ABTB2: variants seen among roughly 807,000 people sequenced by gnomAD.
ABTB2 encodes the protein ankyrin repeat and BTB/POZ domain-containing protein 2.
In ABTB2, 56 loss-of-function variants were observed where a neutral mutation model predicts 104.1. That is an observed-to-expected ratio of 0.54 (90% CI 0.43 to 0.67). The LOEUF (loss-of-function observed/expected upper bound fraction) is 0.67. Ranked by LOEUF, ABTB2 falls within the 30% of genes least tolerant of loss-of-function variation. The pLI is 0.00. For synonymous variants in ABTB2, 606 were observed against 608.2 expected (o/e 1.00, Z 0.05); for missense variants, 1,279 against 1,407.7 (o/e 0.91, Z 1.46).
intron 1 of ABTB2, among the ~76,000 whole-genome samples, chr11:34,258,445 A>T (rs1433335103): frequency 6.6e-6 from 1 of 152,168 alleles, no homozygotes; most frequent in Non-Finnish European, 1.5e-5. Flanking sequence ...AGTAGACTGA[A>T]GACAATCCAG....
At chr11:34,283,596 C>G (rs897635835) in intron 1 of ABTB2, among the ~76,000 whole-genome samples, 4 of 152,212 alleles carry the variant, frequency 2.6e-5, no homozygotes, top group Non-Finnish European at 4.4e-5. Flanking sequence ...AATACCATCT[C>G]ATAAATCTAA....
Position 34,268,343 on chromosome 11 carries a change from AAGC to A in ABTB2, c.884-63656_884-63654del, listed in dbSNP as rs1163123347. 3.9e-5 allele frequency among the ~76,000 whole-genome samples: 6 copies of A among 152,312 alleles called. No individual in the cohort carries two copies. The South Asian group carries it at 1.0e-3, about 26-fold the overall frequency. On this transcript the variant is annotated intron_variant, in intron 1 of 16. Transcript: ENST00000435224. ...CAGAGCTCCTGGAATGAGGAACACG[AAGC>A]AGAAGATGCCATCAGTCTGAGAACC...
chr11:34,307,699 CTGTTT>C (rs1854794479), intron 1 of ABTB2, among the ~76,000 whole-genome samples: 1 of 133,430 alleles, frequency 7.5e-6, no homozygotes, highest in South Asian at 2.5e-4. Context: ...AGGTGACTCT[CTGTTT>C]TTTTTTTTTT....
At position 34,154,212 on chromosome 11, in the gene ABTB2, C is replaced by G; in HGVS notation, c.2880+53G>C. The G allele has an allele frequency of 7.0e-7, 1 of 1,425,118 alleles. No homozygotes were observed. The highest frequency in any genetic ancestry group is 1.4e-5 in the African/African-American group (1 of 71,200). The allele number at this position is 1,425,118 out of a possible 1,614,324, so 88.3% of individuals were successfully genotyped here. A position where few individuals can be genotyped will look rare whatever the true frequency, so the allele number is the denominator to read the frequency against. ...AGTGCAGCCACACGGCCGAGGCCCCCGTGGAGCAGAGCATGTGGTGGGAGG... is the reference window on the plus strand; with the variant it reads ...AGTGCAGCCACACGGCCGAGGCCCCGGTGGAGCAGAGCATGTGGTGGGAGG... On this transcript the variant is annotated intron_variant, in intron 16 of 16. Transcript: ENST00000435224. This position sits in a 1 kb window ranked among gnomAD's most constrained non-coding sequence, Gnocchi z 4.9.
chr11:34,195,627 T>C (rs1303051913), intron 3 of ABTB2, among the ~76,000 whole-genome samples: 1 of 152,202 alleles, frequency 6.6e-6, no homozygotes, highest in East Asian at 1.9e-4. Flanking sequence ...TACAGTGTAG[T>C]GGTTATGAGC....
At chr11:34,161,114 C>T (rs967204318) in intron 10 of ABTB2, 33 bp from the exon 11 acceptor site, 11 of 1,573,032 alleles carry the variant, frequency 7.0e-6, no homozygotes, top group African/African-American at 1.4e-5. Flanking sequence ...GGCAGTCACG[C>T]ACCACAGCTG....
intron 1 of ABTB2, among the ~76,000 whole-genome samples, chr11:34,231,856 C>A (rs1853773663): frequency 6.6e-6 from 1 of 152,096 alleles, no homozygotes; most frequent in Non-Finnish European, 1.5e-5. Flanking sequence ...ACCCTATAAC[C>A]CCACACTAGT....
chr11:34,166,831 A>T (rs1852807621), intron 7 of ABTB2, among the ~76,000 whole-genome samples: 1 of 152,222 alleles, frequency 6.6e-6, no homozygotes, highest in African/African-American at 2.4e-5. Context: ...TCTCTCAGGA[A>T]CTAAGGAGGG....
chr11:34,261,340 A>G lies in ABTB2; in HGVS notation c.884-56650T>C, dbSNP rs553117025. Among the ~76,000 whole-genome samples the G allele has an allele frequency of 3.3e-5, 5 of 152,308 alleles. No individual in the cohort carries two copies. The East Asian group carries it at 9.7e-4, about 29-fold the overall frequency. On this transcript the variant is annotated intron_variant, in intron 1 of 16. Coordinates refer to ENST00000435224, the MANE Select transcript of ABTB2 (RefSeq NM_145804.3). ...ATCCAGGCTTACCACAAAGACAAAT[A>G]TATGGACACATCCTTGCTTGACAAA...
At chr11:34,272,183 A>G (rs1382966973) in intron 1 of ABTB2, among the ~76,000 whole-genome samples, 2 of 152,060 alleles carry the variant, frequency 1.3e-5, no homozygotes, top group Non-Finnish European at 2.9e-5. Context: ...ATAAAATAAT[A>G]AATGTTAAAT....
intron 1 of ABTB2, among the ~76,000 whole-genome samples, chr11:34,230,873 C>T (rs902124175): frequency 6.6e-6 from 1 of 152,146 alleles, no homozygotes; most frequent in Non-Finnish European, 1.5e-5. Context: ...TCTGGTTTCT[C>T]TTTTTCTTTT....
rs751697976 is a variant in ABTB2 at position 34,167,983 on chromosome 11, G to T, written c.1573C>A (p.Pro525Thr). The T allele has an allele frequency of 3.3e-5, 54 of 1,613,944 alleles. No individual in the cohort carries two copies. Among genetic ancestry groups the T allele is most frequent in the Middle Eastern group, 1.6e-4 (1 of 6,084 alleles). ...CCAGCAGCGCAGGCGTACATCAGTG[G>T]CGTCATACCCTGAGCAAATCAAATG... ...VNTMDDQGMT[P>T]LMYACAAGDE... Residue 525 changes from proline to threonine, a missense_variant, in exon 6 of 17, where the codon CCA becomes ACA. By Grantham distance (38) the Pro-to-Thr change is conservative (BLOSUM62 -1). Coordinates refer to ENST00000435224, the MANE Select transcript of ABTB2 (RefSeq NM_145804.3).
chr11:34,299,331 A>G (rs1268897959), intron 1 of ABTB2, among the ~76,000 whole-genome samples: 1 of 152,258 alleles, frequency 6.6e-6, no homozygotes, highest in Non-Finnish European at 1.5e-5. Flanking sequence ...GGACCAAAGA[A>G]AATGAAATCC....
intron 1 of ABTB2, among the ~76,000 whole-genome samples, chr11:34,274,158 CAAAAAAAAAAAAAAA>C (rs763755237): frequency 2.0e-5 from 1 of 50,738 alleles, no homozygotes; most frequent in Non-Finnish European, 3.7e-5. Flanking sequence ...GACTCCGTCT[CAAAAAAAAAAAAAAA>C]AAAAAAAAAA....
chr11:34,335,644 T>A, intron 1 of ABTB2: 1 of 1,455,286 alleles, frequency 6.9e-7, no homozygotes, highest in Non-Finnish European at 9.6e-7. Context: ...CTGAAATTCA[T>A]TCACATATTG....
intron 3 of ABTB2, among the ~76,000 whole-genome samples, chr11:34,179,821 G>C (rs927736099): frequency 6.6e-6 from 1 of 152,178 alleles, no homozygotes; most frequent in Admixed American, 6.5e-5. Flanking sequence ...GAGATGGCCT[G>C]GGTTGGAATC....
chr11:34,159,273 GGGC>G lies in ABTB2; in HGVS notation c.2697+20_2697+22del. Reference sequence around the variant, plus strand: ...GGGGAGGGTCATCCCTCTGAGAAGAGGGCGGCACCAAGACCCACACACCTGAAA... The same window carrying G: ...GGGGAGGGTCATCCCTCTGAGAAGAGGGCACCAAGACCCACACACCTGAAA... On this transcript the variant is annotated intron_variant, in intron 14 of 16. Coordinates refer to ENST00000435224, the MANE Select transcript of ABTB2 (RefSeq NM_145804.3). 1 of 1,594,470 alleles carries G rather than the reference GGGC, an allele frequency of 6.3e-7. No homozygotes were observed. The highest frequency in any genetic ancestry group is 1.1e-5 in the South Asian group (1 of 90,524).
intron 1 of ABTB2, among the ~76,000 whole-genome samples, chr11:34,342,158 TAC>T (rs1413491106): frequency 6.6e-6 from 1 of 152,168 alleles, no homozygotes; most frequent in Non-Finnish European, 1.5e-5. Flanking sequence ...AAGCAACCAA[TAC>T]ACACAACCTT....
chr11:34,211,107 T>G (rs1565142202), intron 1 of ABTB2, among the ~76,000 whole-genome samples: 1 of 152,158 alleles, frequency 6.6e-6, no homozygotes. Flanking sequence ...GACAGTCAAT[T>G]CATTCTTTTT....
Sources: gnomAD v4.1 joint callset for allele counts (sites outside exome capture counted in the v4.1 genomes callset) on GRCh38, gnomAD v4.1.1 for gene constraint, Gnocchi (gnomAD v3.1) non-coding constraint, MANE v1.5 for transcripts, NCBI Gene and HGNC (gene_info 2026-07-23, HGNC 2026-07-21) for gene names.